GLIS3: variants seen among roughly 807,000 people sequenced by gnomAD.
The protein encoded by GLIS3 is zinc finger protein GLIS3.
A neutral mutation model predicts 78.6 loss-of-function variants in GLIS3; 53 were observed. The observed-to-expected ratio is 0.67, with a 90% CI of 0.54 to 0.85. The LOEUF is 0.85. Ranked by LOEUF, GLIS3 falls within the 40% of genes least tolerant of loss-of-function variation. The probability of loss-of-function intolerance (pLI) is 0.00; values close to 1 mark genes in which losing one functional copy is unlikely to be tolerated. For missense variants in GLIS3, 1,703 were observed against 1,231.1 expected, an observed-to-expected ratio of 1.38 and a Z score of -5.74; for synonymous variants, 684 against 509.9, an observed-to-expected ratio of 1.34 and a Z score of -4.60.
chr9:4,079,364 G>A (rs1378332912), intron 4 of GLIS3, among the ~76,000 whole-genome samples: 1 of 152,162 alleles, frequency 6.6e-6, no homozygotes, highest in Non-Finnish European at 1.5e-5. Context: ...AGACTGTCTT[G>A]TACTTCCTCT....
At chr9:3,876,655 AG>A (rs774154965) in intron 8 of GLIS3, among the ~76,000 whole-genome samples, 1,174 of 4,066 alleles carry the variant, frequency 0.29, 44 homozygotes, top group South Asian at 0.34. Context: ...AGAGAGAGAG[AG>A]AAAGAGAGAG....
At chr9:3,878,136 G>C (rs902782789) in intron 8 of GLIS3, among the ~76,000 whole-genome samples, 1 of 151,848 alleles carries the variant, frequency 6.6e-6, no homozygotes, top group African/African-American at 2.4e-5. Context: ...CCCCCACTGA[G>C]GCATCCAGAA....
rs535828820 is a variant in GLIS3, at chr9:4,132,413, G to A, written c.389-6472C>T. ...AGGGTTCTCTTGAAGTCAAATGGCT[G>A]ATTATGTCACAATTATCACTACTGA... On this transcript the variant is annotated intron_variant, in intron 2 of 10. Transcript: ENST00000381971. Among the ~76,000 whole-genome samples, 8 of 152,298 alleles carry A rather than the reference G, an allele frequency of 5.3e-5. No homozygotes were observed. In the South Asian group the frequency reaches 1.5e-3, roughly 28 times the overall value.
chr9:4,274,242 T>G (rs1479677161), intron 2 of GLIS3, among the ~76,000 whole-genome samples: 1 of 152,190 alleles, frequency 6.6e-6, no homozygotes, highest in African/African-American at 2.4e-5. Flanking sequence ...GCAAGGTCAG[T>G]TACATAATTT....
intron 2 of GLIS3, among the ~76,000 whole-genome samples, chr9:4,280,391 T>C (rs979242263): frequency 6.6e-6 from 1 of 152,210 alleles, no homozygotes; most frequent in African/African-American, 2.4e-5. Context: ...TTGGTTATGA[T>C]TAATATATTT....
At chr9:4,385,765 G>T in the GLIS3 span, among the ~76,000 whole-genome samples, 5 of 41,342 alleles carry the variant, frequency 1.2e-4, 1 homozygote, top group Admixed American at 5.1e-4. Flanking sequence ...AAGAAAGAAA[G>T]AAAGAAAGAA....
intron 2 of GLIS3, among the ~76,000 whole-genome samples, chr9:4,207,153 T>G (rs1389135250): frequency 1.3e-5 from 2 of 152,186 alleles, no homozygotes; most frequent in Non-Finnish European, 2.9e-5. Flanking sequence ...ATAACATCTT[T>G]CATAACCCAG....
Position 4,148,253 on chromosome 9 carries a change from G to T in GLIS3, c.389-22312C>A, listed in dbSNP as rs575286244. Among the ~76,000 whole-genome samples, 32 of 151,980 alleles carry T rather than the reference G, an allele frequency of 2.1e-4. 1 individual carries two copies. The South Asian group carries it at 6.5e-3, about 31-fold the overall frequency. On this transcript the variant is annotated intron_variant, in intron 2 of 10. Coordinates refer to ENST00000381971, the MANE Select transcript of GLIS3 (RefSeq NM_001042413.2). The stretch of plus-strand genomic sequence containing the variant: ...ATTCTAGATGAGATCTGGCTACATC[G>T]GTTTCCTTGCTACACTCACAGGAGT...
At chr9:4,355,149 G>GA in the GLIS3 span, among the ~76,000 whole-genome samples, 1 of 150,772 alleles carries the variant, frequency 6.6e-6, no homozygotes, top group Non-Finnish European at 1.5e-5. Flanking sequence ...AAAAGAAAAA[G>GA]AAAAAGAAAA....
chr9:4,365,931 A>G, the GLIS3 span, among the ~76,000 whole-genome samples: 1 of 152,222 alleles, frequency 6.6e-6, no homozygotes, highest in Non-Finnish European at 1.5e-5. Context: ...CACACTCTAG[A>G]GTCTATTCAA....
intron 4 of GLIS3, among the ~76,000 whole-genome samples, chr9:4,036,703 C>G (rs1824339505): frequency 6.6e-6 from 1 of 152,142 alleles, no homozygotes; most frequent in South Asian, 2.1e-4. Context: ...TTTCCTTGAA[C>G]TTTGACTCCC....
chr9:4,329,989 T>C (rs1817661851), intron 2 of GLIS3, among the ~76,000 whole-genome samples: 1 of 152,216 alleles, frequency 6.6e-6, no homozygotes, highest in South Asian at 2.1e-4. Flanking sequence ...TTTTCTTCTC[T>C]ATATTTCCTT....
At chr9:4,154,862 G>A (rs10122498) in intron 2 of GLIS3, among the ~76,000 whole-genome samples, 37,432 of 152,006 alleles carry the variant, frequency 0.25, 6,254 homozygotes, top group African/African-American at 0.48. Context: ...TTGGTACAAC[G>A]TAAGTTCAGT....
At chr9:4,221,054 G>A (rs1821288985) in intron 2 of GLIS3, among the ~76,000 whole-genome samples, 1 of 152,144 alleles carries the variant, frequency 6.6e-6, no homozygotes. Context: ...GGGAAAAATA[G>A]AGGATATCTT....
intron 2 of GLIS3, among the ~76,000 whole-genome samples, chr9:4,331,502 C>A (rs973968384): frequency 5.3e-5 from 8 of 152,174 alleles, no homozygotes; most frequent in South Asian, 2.1e-4. Context: ...CCTTTCTCTC[C>A]CATTTCAACA....
chr9:4,059,829 T>TGTGTGTGTGAGAGAGAGAGA, intron 4 of GLIS3, among the ~76,000 whole-genome samples: 1,133 of 100,612 alleles, frequency 0.011, 17 homozygotes, highest in Non-Finnish European at 0.018. Context: ...TGTGTGTGTG[T>TGTGTGTGTGAGAGAGAGAGA]GAGAGAGAGA....
At chr9:3,971,176 C>G (rs1818357452) in intron 4 of GLIS3, among the ~76,000 whole-genome samples, 1 of 151,910 alleles carries the variant, frequency 6.6e-6, no homozygotes, top group African/African-American at 2.4e-5. Flanking sequence ...AAGAATGGAG[C>G]AATGGCAAGA....
At chr9:4,315,326 G>C (rs987194375) in intron 2 of GLIS3, among the ~76,000 whole-genome samples, 6 of 152,268 alleles carry the variant, frequency 3.9e-5, no homozygotes, top group East Asian at 1.9e-4. Context: ...AGAAGCCTGA[G>C]ACTGAATGGT....
chr9:4,376,976 A>G, the GLIS3 span, among the ~76,000 whole-genome samples: 1 of 135,142 alleles, frequency 7.4e-6, no homozygotes, highest in South Asian at 2.8e-4. Flanking sequence ...ACCACCTGAG[A>G]TTGCCTCCCA....
Sources: allele counts gnomAD v4.1 joint callset (sites outside exome capture counted in the v4.1 genomes callset), GRCh38; gene constraint gnomAD v4.1.1; transcripts MANE v1.5; gene names NCBI Gene and HGNC (gene_info 2026-07-23, HGNC 2026-07-21).